The following SNTG1 variants were observed in gnomAD, a reference collection of about 807,000 sequenced individuals.
SNTG1 encodes the protein syntrophin gamma 1.
A neutral mutation model predicts 74.7 loss-of-function variants in SNTG1; 39 were observed. That is an observed-to-expected ratio of 0.52 (90% CI 0.40 to 0.68). The LOEUF (loss-of-function observed/expected upper bound fraction) is 0.68. SNTG1 is among the 30% of genes least tolerant of loss of function. The pLI, the probability that SNTG1 is intolerant of heterozygous loss-of-function variation, is 0.00. For missense variants in SNTG1, 685 were observed against 609.5 expected, an observed-to-expected ratio of 1.12 and a Z score of -1.30; for synonymous variants, 254 against 217.1, an observed-to-expected ratio of 1.17 and a Z score of -1.49.
chr8:50,250,101 GA>G, intron 2 of SNTG1, among the ~76,000 whole-genome samples: 1 of 151,560 alleles, frequency 6.6e-6, no homozygotes, highest in South Asian at 2.1e-4. Flanking sequence ...TGATATGAAC[GA>G]AAAATGTAAT....
intron 1 of SNTG1, among the ~76,000 whole-genome samples, chr8:49,998,527 T>C (rs1001043848): frequency 1.3e-5 from 2 of 151,958 alleles, no homozygotes; most frequent in Admixed American, 6.6e-5. Flanking sequence ...TACTATACTA[T>C]ATGTTTTATT....
chr8:50,278,827 C>T (rs1435700315), intron 2 of SNTG1, among the ~76,000 whole-genome samples: 3 of 104,894 alleles, frequency 2.9e-5, no homozygotes, highest in East Asian at 4.9e-4. Context: ...AATATTTATA[C>T]CTTTAACTTA....
At chr8:50,433,693 G>C (rs1474693683) in intron 4 of SNTG1, among the ~76,000 whole-genome samples, 2 of 152,006 alleles carry the variant, frequency 1.3e-5, no homozygotes, top group Non-Finnish European at 2.9e-5. Flanking sequence ...AATAATGTTT[G>C]AATGAATATT....
At chr8:50,756,328 A>G (rs1157478468) in intron 18 of SNTG1, among the ~76,000 whole-genome samples, 3 of 151,872 alleles carry the variant, frequency 2.0e-5, no homozygotes, top group African/African-American at 4.8e-5. Flanking sequence ...GTCATCGCAA[A>G]AGTGAAGGTC....
intron 2 of SNTG1, among the ~76,000 whole-genome samples, chr8:50,242,668 A>G (rs1481619113): frequency 1.3e-5 from 2 of 151,004 alleles, no homozygotes; most frequent in African/African-American, 4.9e-5. Flanking sequence ...GTCATTATCT[A>G]CTCTGTATCT....
intron 8 of SNTG1, among the ~76,000 whole-genome samples, chr8:50,474,759 T>A (rs1306719786): frequency 1.3e-5 from 2 of 152,124 alleles, no homozygotes; most frequent in East Asian, 3.9e-4. Context: ...ATCATGCTGC[T>A]ATAAAGACAC....
At chr8:49,934,204 T>G (rs1372722840) in intron 1 of SNTG1, among the ~76,000 whole-genome samples, 1 of 152,058 alleles carries the variant, frequency 6.6e-6, no homozygotes, top group Non-Finnish European at 1.5e-5. Flanking sequence ...ATACCTTCCC[T>G]GATTACACAT....
chr8:50,492,731 A>T (rs947979425), intron 8 of SNTG1, among the ~76,000 whole-genome samples: 1 of 152,132 alleles, frequency 6.6e-6, no homozygotes, highest in African/African-American at 2.4e-5. Context: ...GAAGCTCTTT[A>T]GTTTAATGAG....
At chr8:50,003,758 G>T (rs192736723) in intron 1 of SNTG1, among the ~76,000 whole-genome samples, 4 of 152,054 alleles carry the variant, frequency 2.6e-5, no homozygotes, top group Non-Finnish European at 5.9e-5. Flanking sequence ...CCTCTAGGGG[G>T]AATAAAAATG....
At chr8:50,006,665 C>A (rs1815269372) in intron 1 of SNTG1, among the ~76,000 whole-genome samples, 1 of 152,098 alleles carries the variant, frequency 6.6e-6, no homozygotes, top group Non-Finnish European at 1.5e-5. Flanking sequence ...GCTATTTATT[C>A]TGAATGGTTT....
chr8:50,783,305 G>A (rs1311849340), intron 18 of SNTG1, among the ~76,000 whole-genome samples: 1 of 152,224 alleles, frequency 6.6e-6, no homozygotes, highest in African/African-American at 2.4e-5. Context: ...CAGAGGTGGA[G>A]CCTATAGAGG....
chr8:50,695,482 T>A (rs2095401337), intron 15 of SNTG1, among the ~76,000 whole-genome samples: 1 of 103,906 alleles, frequency 9.6e-6, no homozygotes, highest in East Asian at 3.4e-4. Flanking sequence ...GTCTGTTTTT[T>A]ATTTCTTATT....
Position 49,999,901 on chromosome 8 carries a change from A to AT in SNTG1, c.-103+87676dup, listed in dbSNP as rs1218381909. On this transcript the variant is annotated intron_variant, in intron 1 of 18. Coordinates refer to ENST00000642720, the MANE Select transcript of SNTG1 (RefSeq NM_018967.5). The stretch of plus-strand genomic sequence containing the variant: ...GAACCTCTTTTTAGGAACTTGAATG[A>AT]TTTTTTGTCCCCTCTATTTTGTTTC... Among the ~76,000 whole-genome samples the AT allele has an allele frequency of 5.3e-5, 8 of 152,192 alleles. No individual in the cohort carries two copies. The East Asian group carries it at 5.8e-4, about 11-fold the overall frequency.
chr8:49,928,544 C>T (rs1168701559), intron 1 of SNTG1, among the ~76,000 whole-genome samples: 1 of 152,008 alleles, frequency 6.6e-6, no homozygotes, highest in Non-Finnish European at 1.5e-5. Context: ...GATTCTTAGA[C>T]TGTAATAAAT....
intron 1 of SNTG1, among the ~76,000 whole-genome samples, chr8:49,958,786 C>G (rs1351031050): frequency 6.6e-6 from 1 of 152,186 alleles, no homozygotes; most frequent in African/African-American, 2.4e-5. Context: ...TAGGCAAAAA[C>G]AGTATAGCAC....
intron 2 of SNTG1, among the ~76,000 whole-genome samples, chr8:50,266,680 G>GTATATATATATATATA (rs1247350057): frequency 8.0e-5 from 11 of 136,802 alleles, no homozygotes; most frequent in African/African-American, 3.1e-4. Context: ...GTGTGTGTGT[G>GTATATATATATATATA]TGTGTATATA....
At chr8:50,423,452 C>T (rs568264103) in intron 4 of SNTG1, among the ~76,000 whole-genome samples, 11 of 152,180 alleles carry the variant, frequency 7.2e-5, no homozygotes, top group Non-Finnish European at 1.3e-4. Context: ...TCCAAAAGTT[C>T]ATTTATTCAC....
At chr8:50,431,273 A>T (rs1415838977) in intron 4 of SNTG1, among the ~76,000 whole-genome samples, 3 of 152,200 alleles carry the variant, frequency 2.0e-5, no homozygotes, top group Non-Finnish European at 2.9e-5. Context: ...TTCTGTGTCA[A>T]TGTGGGTTTG....
intron 1 of SNTG1, among the ~76,000 whole-genome samples, chr8:50,117,611 C>T (rs1464187929): frequency 6.6e-6 from 1 of 152,092 alleles, no homozygotes; most frequent in Non-Finnish European, 1.5e-5. Context: ...CGCTCCATTG[C>T]TGTCTGAGTC....
Sources: allele counts gnomAD v4.1 joint callset (sites outside exome capture counted in the v4.1 genomes callset), GRCh38; gene constraint gnomAD v4.1.1; transcripts MANE v1.5; gene names NCBI Gene and HGNC (gene_info 2026-07-23, HGNC 2026-07-21).